NELL2: variants seen among roughly 807,000 people sequenced by gnomAD.
NELL2 encodes neural EGFL like 2.
Under a neutral mutation model 109.6 loss-of-function variants are expected in NELL2, and 41 were observed. The observed-to-expected ratio is 0.37, with a 90% CI of 0.29 to 0.49. NELL2 has a LOEUF of 0.49. NELL2 is among the 20% of genes least tolerant of loss of function. NELL2 has a pLI of 0.98. For missense variants in NELL2, 900 were observed against 1,008.3 expected (o/e 0.89, Z 1.45); for synonymous variants, 355 against 344.7 (o/e 1.03, Z -0.33).
chr12:44,661,079 T>G (rs1404687910), intron 13 of NELL2, among the ~76,000 whole-genome samples: 4 of 152,014 alleles, frequency 2.6e-5, no homozygotes, highest in African/African-American at 7.2e-5. Flanking sequence ...CAAAATGACA[T>G]AGTATGACTT....
At chr12:44,803,208 G>A (rs1276423490) in intron 3 of NELL2, among the ~76,000 whole-genome samples, 1 of 140,786 alleles carries the variant, frequency 7.1e-6, no homozygotes, top group Admixed American at 7.3e-5. Context: ...ATCAGAGACA[G>A]GAAAAAACTG....
intron 9 of NELL2, among the ~76,000 whole-genome samples, chr12:44,754,144 A>C (rs1267992215): frequency 6.6e-6 from 1 of 152,208 alleles, no homozygotes; most frequent in Non-Finnish European, 1.5e-5. Context: ...TGAAGAATTA[A>C]TAAAGGAAGA....
At chr12:44,879,315 T>C (rs1009281103), upstream of NELL2, among the ~76,000 whole-genome samples, 5 of 152,218 alleles carry the variant, frequency 3.3e-5, no homozygotes, top group African/African-American at 1.2e-4. Context: ...TAAATTTGTG[T>C]TGTTTTAATC....
chr12:44,562,433 T>C (rs1943501000), intron 15 of NELL2, among the ~76,000 whole-genome samples: 2 of 152,166 alleles, frequency 1.3e-5, no homozygotes, highest in African/African-American at 4.8e-5. Flanking sequence ...AAAGGGCTAA[T>C]ATCCAGAATC....
chr12:44,578,484 T>C (rs1334563032), intron 15 of NELL2, among the ~76,000 whole-genome samples: 4 of 151,842 alleles, frequency 2.6e-5, no homozygotes, highest in African/African-American at 7.3e-5. Flanking sequence ...AATAGGAAAA[T>C]GCCTTGAAAG....
At chr12:44,522,291 T>C (rs1592063559) in intron 17 of NELL2, 115 bp from the exon 18 acceptor site, 2 of 746,468 alleles carry the variant, frequency 2.7e-6, no homozygotes, top group East Asian at 3.1e-5. Flanking sequence ...TAATTCACAC[T>C]GCTTATCTGA....
upstream of NELL2, among the ~76,000 whole-genome samples, chr12:44,915,931 A>G (rs12814026): frequency 6.6e-6 from 1 of 152,234 alleles, no homozygotes; most frequent in Non-Finnish European, 1.5e-5. Flanking sequence ...CATGATGAAA[A>G]CACAGTTGGG....
intron 9 of NELL2, among the ~76,000 whole-genome samples, chr12:44,720,834 C>T (rs1938732209): frequency 6.6e-6 from 1 of 152,130 alleles, no homozygotes. Context: ...TATGCAACCT[C>T]CCTTTTCTGT....
chr12:44,861,791 C>T (rs1041607303), intron 2 of NELL2, among the ~76,000 whole-genome samples: 2 of 152,234 alleles, frequency 1.3e-5, no homozygotes, highest in African/African-American at 4.8e-5. Flanking sequence ...GACAGCCTGT[C>T]TGAGAACTCC....
At chr12:44,702,872 A>C (rs1278816317) in intron 12 of NELL2, among the ~76,000 whole-genome samples, 2 of 152,162 alleles carry the variant, frequency 1.3e-5, no homozygotes, top group African/African-American at 4.8e-5. Context: ...GAGCCAACAA[A>C]TCATCCTGCA....
At chr12:44,875,500 G>A in intron 1 of NELL2, 147 bp from the exon 2 acceptor site, 1 of 1,613,974 alleles carries the variant, frequency 6.2e-7, no homozygotes, top group African/African-American at 1.3e-5. Context: ...TCCGCCGAGA[G>A]CCTTACCTGA....
At chr12:44,792,177 T>C (rs1942460669) in intron 3 of NELL2, among the ~76,000 whole-genome samples, 1 of 152,196 alleles carries the variant, frequency 6.6e-6, no homozygotes, top group Non-Finnish European at 1.5e-5. Context: ...GAGATTATGC[T>C]ATTTCAGAAA....
chr12:44,565,347 A>G (rs1171405887), intron 15 of NELL2, among the ~76,000 whole-genome samples: 1 of 152,218 alleles, frequency 6.6e-6, no homozygotes, highest in Non-Finnish European at 1.5e-5. Flanking sequence ...AATGCTGCCA[A>G]TTAAACAATG....
intron 9 of NELL2, among the ~76,000 whole-genome samples, chr12:44,769,775 A>T (rs1941473610): frequency 6.6e-6 from 1 of 152,164 alleles, no homozygotes; most frequent in Non-Finnish European, 1.5e-5. Context: ...ATGCAGCAAT[A>T]AGTATAACTG....
At chr12:44,725,215 T>A (rs1464683569) in intron 9 of NELL2, among the ~76,000 whole-genome samples, 1 of 152,020 alleles carries the variant, frequency 6.6e-6, no homozygotes, top group Admixed American at 6.6e-5. Context: ...TGGGTGAAGA[T>A]TTCATGAAAA....
intron 1 of NELL2, among the ~76,000 whole-genome samples, chr12:44,883,978 A>C (rs917512502): frequency 6.6e-5 from 10 of 152,082 alleles, no homozygotes; most frequent in Admixed American, 5.2e-4. Context: ...CGAGTCAATA[A>C]TTGCCTTAAA....
intron 13 of NELL2, among the ~76,000 whole-genome samples, chr12:44,626,904 T>G (rs929971435): frequency 6.6e-6 from 1 of 152,206 alleles, no homozygotes; most frequent in African/African-American, 2.4e-5. Flanking sequence ...TTACATTTTG[T>G]TTTTTAGAAA....
At chr12:44,630,526 AC>A (rs1946416817) in intron 13 of NELL2, among the ~76,000 whole-genome samples, 1 of 152,134 alleles carries the variant, frequency 6.6e-6, no homozygotes, top group Non-Finnish European at 1.5e-5. Context: ...CTACAGATCA[AC>A]CCCAGCCACA....
At chr12:44,909,949 C>A (rs1480340410) in intron 1 of NELL2, among the ~76,000 whole-genome samples, 1 of 151,734 alleles carries the variant, frequency 6.6e-6, no homozygotes, top group Non-Finnish European at 1.5e-5. Context: ...GAAATTGGAC[C>A]CTTATCTTTT....
Sources: gnomAD v4.1 joint callset for allele counts (sites outside exome capture counted in the v4.1 genomes callset) on GRCh38, gnomAD v4.1.1 for gene constraint, MANE v1.5 for transcripts, NCBI Gene and HGNC (gene_info 2026-07-23, HGNC 2026-07-21) for gene names.